EYS: variants seen among roughly 807,000 people sequenced by gnomAD.
EYS encodes the protein protein eyes shut homolog.
Under a neutral mutation model 282.1 loss-of-function variants are expected in EYS, and 250 were observed. That is an observed-to-expected ratio of 0.89 (90% CI 0.80 to 0.98). EYS has a LOEUF of 0.98. EYS is among the 50% of genes least tolerant of loss of function. EYS has a pLI of 0.00. For missense variants in EYS, 4,016 were observed against 3,709.0 expected, an observed-to-expected ratio of 1.08 and a Z score of -2.15; for synonymous variants, 1,355 against 1,282.9, an observed-to-expected ratio of 1.06 and a Z score of -1.20.
chr6:64,936,927 C>A (rs765877171), intron 15 of EYS, among the ~76,000 whole-genome samples: 6 of 151,266 alleles, frequency 4.0e-5, no homozygotes, highest in Non-Finnish European at 8.9e-5. Context: ...TTCAAACTTA[C>A]CAAAAGCTAC....
At chr6:64,486,642 G>C (rs1252142956) in intron 26 of EYS, among the ~76,000 whole-genome samples, 1 of 151,358 alleles carries the variant, frequency 6.6e-6, no homozygotes, top group Admixed American at 6.6e-5. Context: ...CCCTGGATCT[G>C]TTTCTAAGGA....
chr6:64,274,593 A>T (rs1213407352), intron 30 of EYS, among the ~76,000 whole-genome samples: 1 of 145,672 alleles, frequency 6.9e-6, no homozygotes, highest in East Asian at 2.0e-4. Context: ...TTCATCCTGG[A>T]GTGGGGTAAC....
chr6:65,699,076 T>A (rs1769560982), intron 1 of EYS, among the ~76,000 whole-genome samples: 1 of 152,186 alleles, frequency 6.6e-6, no homozygotes, highest in Admixed American at 6.5e-5. Flanking sequence ...TTTCTCCCAA[T>A]CTTTCTTACC....
At chr6:64,717,662 GT>G (rs1771443060) in intron 22 of EYS, among the ~76,000 whole-genome samples, 1 of 152,126 alleles carries the variant, frequency 6.6e-6, no homozygotes, top group Admixed American at 6.5e-5. Flanking sequence ...GGAATATAGA[GT>G]TTTTCCTGCT....
At chr6:63,914,175 A>G (rs58730041) in intron 35 of EYS, among the ~76,000 whole-genome samples, 2,726 of 152,296 alleles carry the variant, frequency 0.018, 77 homozygotes, top group African/African-American at 0.06. Context: ...CAATATTGAA[A>G]TTAGGCCAAT....
chr6:64,690,178 G>A (rs149204963), intron 22 of EYS, among the ~76,000 whole-genome samples: 2,462 of 152,092 alleles, frequency 0.016, 68 homozygotes, highest in African/African-American at 0.056. Flanking sequence ...GATATGAACA[G>A]ACACTTCTCG....
At chr6:65,270,579 A>T (rs1369159085) in intron 12 of EYS, among the ~76,000 whole-genome samples, 2 of 152,108 alleles carry the variant, frequency 1.3e-5, no homozygotes, top group Non-Finnish European at 2.9e-5. Flanking sequence ...TTTAATTTCT[A>T]GTTCTTTTTT....
At chr6:64,734,332 A>ATT (rs889266655) in intron 22 of EYS, among the ~76,000 whole-genome samples, 4 of 149,820 alleles carry the variant, frequency 2.7e-5, no homozygotes, top group Admixed American at 6.7e-5. Flanking sequence ...GCATGTTTTT[A>ATT]TTTTTTTTTT....
chr6:63,923,076 A>G (rs1440386907), intron 35 of EYS, among the ~76,000 whole-genome samples: 2 of 152,202 alleles, frequency 1.3e-5, no homozygotes, highest in African/African-American at 4.8e-5. Flanking sequence ...AGTTTGCTAA[A>G]GTAATGTTTC....
chr6:65,184,229 C>T (rs2150235471), intron 12 of EYS, among the ~76,000 whole-genome samples: 1 of 152,002 alleles, frequency 6.6e-6, no homozygotes, highest in Non-Finnish European at 1.5e-5. Context: ...GCTCTTAGTT[C>T]TGGAGGCTGG....
intron 31 of EYS, among the ~76,000 whole-genome samples, chr6:64,104,043 T>C (rs1299973681): frequency 6.6e-6 from 1 of 151,782 alleles, no homozygotes; most frequent in Non-Finnish European, 1.5e-5. Flanking sequence ...AGTGGGAGAG[T>C]AATGAAACCA....
At chr6:65,350,722 A>T (rs1770567059) in intron 9 of EYS, among the ~76,000 whole-genome samples, 1 of 151,662 alleles carries the variant, frequency 6.6e-6, no homozygotes, top group Non-Finnish European at 1.5e-5. Flanking sequence ...ATGAACATAG[A>T]TGATGACATT....
intron 8 of EYS, among the ~76,000 whole-genome samples, chr6:65,366,832 T>C (rs950852311): frequency 7.9e-5 from 12 of 151,640 alleles, no homozygotes; most frequent in African/African-American, 2.7e-4. Flanking sequence ...TCAGCTTCTA[T>C]TGGTAGCCTA....
At chr6:64,535,191 C>T (rs748051014) in intron 26 of EYS, among the ~76,000 whole-genome samples, 1 of 152,230 alleles carries the variant, frequency 6.6e-6, no homozygotes, top group Admixed American at 6.5e-5. Context: ...TGGGAATGTT[C>T]TTTGACCGAT....
At chr6:64,307,718 G>C (rs1769507105) in intron 29 of EYS, among the ~76,000 whole-genome samples, 1 of 152,002 alleles carries the variant, frequency 6.6e-6, no homozygotes, top group Non-Finnish European at 1.5e-5. Flanking sequence ...AGCTGCTCTT[G>C]CTACACACAG....
At chr6:65,636,913 G>T (rs1767106654) in intron 2 of EYS, among the ~76,000 whole-genome samples, 1 of 152,154 alleles carries the variant, frequency 6.6e-6, no homozygotes. Flanking sequence ...CCAGCCTCAA[G>T]CAATCCTCCC....
At chr6:64,027,952 G>A (rs1769614402) in intron 33 of EYS, among the ~76,000 whole-genome samples, 1 of 152,186 alleles carries the variant, frequency 6.6e-6, no homozygotes, top group Admixed American at 6.5e-5. Flanking sequence ...TGTCCTGGAC[G>A]ACTGTCCTCA....
At chr6:64,554,605 A>G (rs1234384490) in intron 26 of EYS, among the ~76,000 whole-genome samples, 2 of 152,040 alleles carry the variant, frequency 1.3e-5, no homozygotes, top group African/African-American at 4.8e-5. Flanking sequence ...CTTGTGGAAT[A>G]GGAAAAAATA....
intron 35 of EYS, among the ~76,000 whole-genome samples, chr6:63,924,830 G>T (rs1019877189): frequency 1.3e-5 from 2 of 152,102 alleles, no homozygotes; most frequent in African/African-American, 2.4e-5. Context: ...CCTCTTTGGT[G>T]CATAACAGAA....
Sources: gnomAD v4.1 joint callset for allele counts (sites outside exome capture counted in the v4.1 genomes callset) on GRCh38, gnomAD v4.1.1 for gene constraint, MANE v1.5 for transcripts, NCBI Gene and HGNC (gene_info 2026-07-23, HGNC 2026-07-21) for gene names.